Variants in SDK2 observed in about 807,000 individuals in gnomAD.
SDK2 encodes sidekick cell adhesion molecule 2.
In SDK2, 105 loss-of-function variants were observed where a neutral mutation model predicts 253.9. The ratio of observed to expected loss-of-function variants is 0.41; its 90% CI spans 0.35 to 0.49. The LOEUF is 0.49. Among genes scored for constraint, SDK2 ranks in the 20% least tolerant of loss-of-function variants. The pLI is 0.06. For missense variants in SDK2, 2,608 were observed against 3,003.0 expected (o/e 0.87, Z 3.07); for synonymous variants, 1,249 against 1,234.9 (o/e 1.01, Z -0.24).
intron 29 of SDK2, among the ~76,000 whole-genome samples, chr17:73,389,412 G>A (rs1393885271): frequency 1.3e-5 from 2 of 152,054 alleles, no homozygotes; most frequent in Admixed American, 1.3e-4. Flanking sequence ...TTGAACTCCC[G>A]ACCTCAGGTG....
intron 12 of SDK2, among the ~76,000 whole-genome samples, chr17:73,425,992 T>C (rs9896718): frequency 0.021 from 3,252 of 152,200 alleles, 99 homozygotes; most frequent in East Asian, 0.082. Flanking sequence ...AATGATACAG[T>C]ATATTTACAT....
chr17:73,370,902 A>G (rs2062729665), intron 36 of SDK2, among the ~76,000 whole-genome samples: 1 of 151,756 alleles, frequency 6.6e-6, no homozygotes, highest in Non-Finnish European at 1.5e-5. Flanking sequence ...TGTCTCTACT[A>G]AAAACACAAA....
intron 27 of SDK2, among the ~76,000 whole-genome samples, chr17:73,392,973 A>T (rs950671969): frequency 6.6e-6 from 1 of 152,180 alleles, no homozygotes; most frequent in African/African-American, 2.4e-5. Context: ...GGCCGGGTGC[A>T]GTGGCTCACA....
chr17:73,440,820 G>A lies in SDK2; in HGVS notation c.717C>T (p.Ala239=). ...GTSEVTLECV[A]NARPLIKLHI... ...GAAGATGCACTACCTACCTGGCATTGGCCACACACTCCAAGGTAACCTCTG... is the reference window on the plus strand; with the variant it reads ...GAAGATGCACTACCTACCTGGCATTAGCCACACACTCCAAGGTAACCTCTG... The change falls in exon 6 of 45, where the codon GCC becomes GCT. Residue 239 remains alanine, a synonymous_variant. Transcript: ENST00000392650. The A allele has an allele frequency of 6.4e-7, 1 of 1,550,568 alleles. No homozygotes were observed. Among genetic ancestry groups the A allele is most frequent in the Non-Finnish European group, 8.7e-7 (1 of 1,145,982 alleles).
intron 1 of SDK2, among the ~76,000 whole-genome samples, chr17:73,606,706 A>G (rs917440995): frequency 6.6e-5 from 10 of 152,170 alleles, no homozygotes; most frequent in Non-Finnish European, 1.3e-4. Flanking sequence ...GACTCTATCC[A>G]TGGAGAAAAA....
intron 1 of SDK2, among the ~76,000 whole-genome samples, chr17:73,607,836 A>G (rs1457598843): frequency 1.3e-5 from 2 of 148,558 alleles, no homozygotes; most frequent in Non-Finnish European, 3.0e-5. Flanking sequence ...ACATGCTCTG[A>G]CTTCTGTGTG....
Position 73,481,135 on chromosome 17 carries a change from G to C in SDK2, c.225-8917C>G, listed in dbSNP as rs551861724. Reference sequence around the variant, plus strand: ...GGTTCTGGAGCAGGCACTGGGGAGGGGACAGGCAAGCCCAGGCGAGCTGAG... The same window carrying C: ...GGTTCTGGAGCAGGCACTGGGGAGGCGACAGGCAAGCCCAGGCGAGCTGAG... On this transcript the variant is annotated intron_variant, in intron 2 of 44. Coordinates refer to ENST00000392650, the MANE Select transcript of SDK2 (RefSeq NM_001144952.2). This position sits in a 1 kb window ranked among gnomAD's most constrained non-coding sequence, Gnocchi z 4.5. Among the ~76,000 whole-genome samples the C allele has an allele frequency of 2.5e-4, 38 of 152,286 alleles. No homozygotes were observed. The highest frequency in any genetic ancestry group is 2.6e-4 in the Non-Finnish European group (18 of 68,018).
At chr17:73,626,673 A>G (rs1329656609) in intron 1 of SDK2, among the ~76,000 whole-genome samples, 1 of 152,212 alleles carries the variant, frequency 6.6e-6, no homozygotes, top group East Asian at 1.9e-4. Flanking sequence ...GGCATCAGAC[A>G]GGGCTGAGGA....
At position 73,460,985 on chromosome 17, in the gene SDK2, C is replaced by T. The variant is rs144655386; in HGVS notation, c.332-4932G>A. ...TGAGGAAATGAAGGCTCATGGAGAT[C>T]GAGTGGCTTATGCAGCTGTGAACAC... On this transcript the variant is annotated intron_variant, in intron 3 of 44. Coordinates refer to ENST00000392650, the MANE Select transcript of SDK2 (RefSeq NM_001144952.2). Among the ~76,000 whole-genome samples, 314 of 152,310 alleles carry T rather than the reference C, an allele frequency of 2.1e-3. 2 individuals carry two copies. Among genetic ancestry groups the T allele is most frequent in the African/African-American group, 7.4e-3 (307 of 41,578 alleles).
chr17:73,419,376 C>T (rs1351910601), intron 15 of SDK2, 70 bp from the exon 16 acceptor site: 2 of 1,540,766 alleles, frequency 1.3e-6, no homozygotes, highest in Admixed American at 1.8e-5. Context: ...TATGAGAAGG[C>T]TGAACCCTGG....
Position 73,597,670 on chromosome 17 carries a change from G to A in SDK2, c.64+46355C>T, listed in dbSNP as rs1465064788. ...TTTTCTTTTTTTTTTTTTTGAGACA[G>A]AGTCTCGCTCTGTCGCCCAGGCTGG... On this transcript the variant is annotated intron_variant, in intron 1 of 44. Coordinates refer to ENST00000392650, the MANE Select transcript of SDK2 (RefSeq NM_001144952.2). Among the ~76,000 whole-genome samples, 6 of 147,938 alleles carry A rather than the reference G, an allele frequency of 4.1e-5. No individual in the cohort carries two copies. The Admixed American group carries it at 4.1e-4, about 10-fold the overall frequency.
chr17:73,578,045 G>A (rs1435128533), intron 1 of SDK2, among the ~76,000 whole-genome samples: 1 of 150,512 alleles, frequency 6.6e-6, no homozygotes, highest in Non-Finnish European at 1.5e-5. Flanking sequence ...CCAGGGTCTT[G>A]AGCCCTATGG....
Position 73,534,226 on chromosome 17 carries a change from G to A in SDK2, c.65-26629C>T, listed in dbSNP as rs1259978028. ...CTCAGTACATCCTTGCTGAAGGAAT[G>A]AATGCATGTGTAATGAACGAATGAG... On this transcript the variant is annotated intron_variant, in intron 1 of 44. Coordinates refer to ENST00000392650, the MANE Select transcript of SDK2 (RefSeq NM_001144952.2). This position sits in a 1 kb window ranked among gnomAD's most constrained non-coding sequence, Gnocchi z 4.9. 6.6e-6 allele frequency among the ~76,000 whole-genome samples: 1 copy of A among 152,216 alleles called. No homozygotes were observed. The highest frequency in any genetic ancestry group is 1.5e-5 in the Non-Finnish European group (1 of 68,046).
chr17:73,563,276 AC>A (rs1459035874), intron 1 of SDK2, among the ~76,000 whole-genome samples: 1 of 152,222 alleles, frequency 6.6e-6, no homozygotes, highest in Admixed American at 6.5e-5. Flanking sequence ...GGAATTCACA[AC>A]TTATAAACAT....
At chr17:73,564,673 A>G (rs1198459578) in intron 1 of SDK2, among the ~76,000 whole-genome samples, 2 of 151,862 alleles carry the variant, frequency 1.3e-5, no homozygotes, top group Non-Finnish European at 2.9e-5. Context: ...AAAAATACAA[A>G]AATTAGCTGG....
chr17:73,622,985 C>T (rs1384324203), intron 1 of SDK2, among the ~76,000 whole-genome samples: 7 of 152,216 alleles, frequency 4.6e-5, no homozygotes, highest in Non-Finnish European at 1.5e-5. Flanking sequence ...CTCGGCCAGC[C>T]CTTGCAGTGC....
chr17:73,494,654 C>T lies in SDK2; in HGVS notation c.224+12784G>A, dbSNP rs143339200. Reference sequence around the variant, plus strand: ...GTCAACTCAAGGCACAAGGAGCCAGCTGTGCCTCTCGCTGCCCAGCACCAG... The same window carrying T: ...GTCAACTCAAGGCACAAGGAGCCAGTTGTGCCTCTCGCTGCCCAGCACCAG... On this transcript the variant is annotated intron_variant, in intron 2 of 44. Transcript: ENST00000392650. Among the ~76,000 whole-genome samples the T allele has an allele frequency of 4.9e-3, 739 of 152,350 alleles. 3 individuals are homozygous for T. Among genetic ancestry groups the T allele is most frequent in the Non-Finnish European group, 8.3e-3 (566 of 68,032 alleles).
At chr17:73,564,530 A>C (rs1193968374) in intron 1 of SDK2, among the ~76,000 whole-genome samples, 2 of 152,130 alleles carry the variant, frequency 1.3e-5, no homozygotes, top group African/African-American at 4.8e-5. Flanking sequence ...TGACATTAAA[A>C]CGAAACAGCT....
chr17:73,349,140 C>T (rs112903842), intron 43 of SDK2, among the ~76,000 whole-genome samples: 2 of 152,068 alleles, frequency 1.3e-5, no homozygotes, highest in Non-Finnish European at 2.9e-5. Context: ...GTGTGAAATG[C>T]CCCCTTGTTA....
Sources: gnomAD v4.1 joint callset for allele counts (sites outside exome capture counted in the v4.1 genomes callset) on GRCh38, gnomAD v4.1.1 for gene constraint, Gnocchi (gnomAD v3.1) non-coding constraint, MANE v1.5 for transcripts, NCBI Gene and HGNC (gene_info 2026-07-23, HGNC 2026-07-21) for gene names.